STRBP: variants seen among roughly 807,000 people sequenced by gnomAD.
STRBP encodes the protein spermatid perinuclear RNA-binding protein.
STRBP carries 13 observed loss-of-function variants against 80.1 expected under a neutral mutation model. That is an observed-to-expected ratio of 0.16 (90% CI 0.11 to 0.26). The LOEUF is 0.26. STRBP is among the 10% of genes least tolerant of loss of function. STRBP has a pLI of 1.00. For missense variants in STRBP, 485 were observed against 815.2 expected (o/e 0.59, Z 4.93); for synonymous variants, 284 against 291.2 (o/e 0.98, Z 0.25).
intron 14 of STRBP, among the ~76,000 whole-genome samples, chr9:123,137,478 C>A (rs576435046): frequency 6.6e-6 from 1 of 152,106 alleles, no homozygotes; most frequent in South Asian, 2.1e-4. Flanking sequence ...GGTGCAATCT[C>A]GGCTCACTGC....
chr9:123,246,916 T>TA (rs946111341), intron 1 of STRBP, among the ~76,000 whole-genome samples: 4 of 152,302 alleles, frequency 2.6e-5, no homozygotes, highest in Admixed American at 2.6e-4. Context: ...AAACAACCTG[T>TA]AAAAACCTAC....
downstream of STRBP, among the ~76,000 whole-genome samples, chr9:123,118,767 G>A (rs927922913): frequency 1.3e-5 from 2 of 152,126 alleles, no homozygotes; most frequent in Non-Finnish European, 2.9e-5. Flanking sequence ...AGCATCTGAG[G>A]GCTCCAATCT....
intron 2 of STRBP, among the ~76,000 whole-genome samples, chr9:123,229,302 AATTGTAC>A (rs2040333067): frequency 6.6e-6 from 1 of 152,202 alleles, no homozygotes. Flanking sequence ...AAAACCACTG[AATTGTAC>A]ATTTTAAATA....
chr9:123,206,858 G>A (rs531981721), intron 2 of STRBP, among the ~76,000 whole-genome samples: 28 of 152,112 alleles, frequency 1.8e-4, no homozygotes, highest in Non-Finnish European at 3.5e-4. Context: ...GGCTGGTCTC[G>A]AACTACTGAC....
intron 3 of STRBP, among the ~76,000 whole-genome samples, chr9:123,183,081 C>T (rs1195105604): frequency 1.3e-5 from 2 of 150,614 alleles, no homozygotes; most frequent in Admixed American, 6.6e-5. Flanking sequence ...GGCTAAACAA[C>T]ATATTCCAAA....
intron 13 of STRBP, among the ~76,000 whole-genome samples, chr9:123,144,763 G>A (rs957188958): frequency 2.6e-5 from 4 of 152,032 alleles, no homozygotes; most frequent in African/African-American, 9.7e-5. Context: ...AATCTATGAA[G>A]ACCTTAGGGA....
chr9:123,114,870 C>T (rs1043726629), intron 3 of STRBP: 27 of 281,218 alleles, frequency 9.6e-5, no homozygotes, highest in African/African-American at 4.5e-4. Flanking sequence ...CTACCCAATC[C>T]GGCAGAGGAG....
At chr9:123,230,450 A>G (rs1426034672) in intron 2 of STRBP, among the ~76,000 whole-genome samples, 2 of 152,150 alleles carry the variant, frequency 1.3e-5, no homozygotes, top group African/African-American at 4.8e-5. Context: ...ACTTACATAC[A>G]TTTCCTAATA....
intron 1 of STRBP, among the ~76,000 whole-genome samples, chr9:123,246,780 A>G (rs1564333962): frequency 6.6e-6 from 1 of 152,174 alleles, no homozygotes; most frequent in Non-Finnish European, 1.5e-5. Context: ...CTGCCAATAC[A>G]AACAAATTTT....
At chr9:123,156,644 A>G (rs532558561) in intron 11 of STRBP, among the ~76,000 whole-genome samples, 1 of 151,578 alleles carries the variant, frequency 6.6e-6, no homozygotes, top group East Asian at 1.9e-4. Context: ...CCTCTGGAAA[A>G]CTATACACTT....
At chr9:123,230,901 A>T (rs2040380226) in intron 2 of STRBP, among the ~76,000 whole-genome samples, 1 of 152,014 alleles carries the variant, frequency 6.6e-6, no homozygotes, top group Non-Finnish European at 1.5e-5. Context: ...GGGAAAGCAC[A>T]GGGTATAATA....
intron 4 of STRBP, among the ~76,000 whole-genome samples, chr9:123,176,619 T>C (rs1401375932): frequency 6.6e-6 from 1 of 152,174 alleles, no homozygotes; most frequent in Non-Finnish European, 1.5e-5. Flanking sequence ...TGTGGTACAA[T>C]AGTTGGCACT....
intron 2 of STRBP, among the ~76,000 whole-genome samples, chr9:123,220,699 A>G (rs2040039724): frequency 6.6e-6 from 1 of 152,240 alleles, no homozygotes; most frequent in Non-Finnish European, 1.5e-5. Flanking sequence ...TATTTTTTTA[A>G]GAAACCCACT....
chr9:123,196,804 A>T (rs979111923), intron 2 of STRBP, among the ~76,000 whole-genome samples: 3 of 152,236 alleles, frequency 2.0e-5, no homozygotes, highest in African/African-American at 2.4e-5. Flanking sequence ...AAATTAGTTC[A>T]ACCAGTTTGG....
intron 1 of STRBP, among the ~76,000 whole-genome samples, chr9:123,241,336 T>C (rs2040690803): frequency 1.3e-5 from 2 of 152,026 alleles, no homozygotes; most frequent in Admixed American, 6.6e-5. Context: ...AATTTGTCTC[T>C]ACAAAAAAGA....
chr9:123,151,718 T>A (rs2037065019), intron 11 of STRBP, among the ~76,000 whole-genome samples: 1 of 152,106 alleles, frequency 6.6e-6, no homozygotes, highest in African/African-American at 2.4e-5. Context: ...CTTAATAGTA[T>A]ATAAAATAAG....
chr9:123,250,195 T>G (rs2040882406), intron 1 of STRBP, among the ~76,000 whole-genome samples: 2 of 152,226 alleles, frequency 1.3e-5, no homozygotes. Context: ...GCTACATATC[T>G]GTGTGAAGGC....
At chr9:123,234,712 C>A (rs1235770608) in intron 2 of STRBP, among the ~76,000 whole-genome samples, 7 of 152,236 alleles carry the variant, frequency 4.6e-5, no homozygotes, top group African/African-American at 1.7e-4. Context: ...GTAATCCCAG[C>A]ACATTGGGAA....
At chr9:123,156,132 G>A (rs1418541439) in intron 11 of STRBP, among the ~76,000 whole-genome samples, 1 of 151,436 alleles carries the variant, frequency 6.6e-6, no homozygotes, top group East Asian at 1.9e-4. Context: ...ATCTAGTGAA[G>A]GGGAAAATAT....
Sources: allele counts gnomAD v4.1 joint callset (sites outside exome capture counted in the v4.1 genomes callset), GRCh38; gene constraint gnomAD v4.1.1; transcripts MANE v1.5; gene names NCBI Gene and HGNC (gene_info 2026-07-23, HGNC 2026-07-21).